The following CLSTN2 variants were observed in gnomAD, a reference collection of about 807,000 sequenced individuals.
The protein encoded by CLSTN2 is calsyntenin 2.
Under a neutral mutation model 101.2 loss-of-function variants are expected in CLSTN2, and 48 were observed. The observed-to-expected ratio is 0.47, with a 90% CI of 0.38 to 0.60. The LOEUF is 0.60. Ranked by LOEUF, CLSTN2 falls within the 20% of genes least tolerant of loss-of-function variation. The probability of loss-of-function intolerance (pLI) is 0.00; values close to 1 mark genes in which losing one functional copy is unlikely to be tolerated. For missense variants in CLSTN2, 1,160 were observed against 1,238.2 expected, an observed-to-expected ratio of 0.94 and a Z score of 0.95; for synonymous variants, 481 against 463.6, an observed-to-expected ratio of 1.04 and a Z score of -0.48.
chr3:140,115,021 T>C lies in CLSTN2; in HGVS notation c.110-60930T>C, dbSNP rs772141142. ...ACCTGTGTAGTATCTTCTCCTGCAT[T>C]ATTACAAGGCCTTTTGCCCAACCAA... On this transcript the variant is annotated intron_variant, in intron 1 of 16. Coordinates refer to ENST00000458420, the MANE Select transcript of CLSTN2 (RefSeq NM_022131.3). Among the ~76,000 whole-genome samples the C allele has an allele frequency of 3.4e-4, 52 of 152,188 alleles. 1 individual carries two copies. Among genetic ancestry groups the C allele is most frequent in the Non-Finnish European group, 6.8e-4 (46 of 68,038 alleles).
At chr3:140,218,328 T>C (rs1211368087) in intron 2 of CLSTN2, among the ~76,000 whole-genome samples, 5 of 152,282 alleles carry the variant, frequency 3.3e-5, no homozygotes, top group Admixed American at 3.3e-4. Flanking sequence ...ACCTATCCCT[T>C]AGTTGCAAAG....
At chr3:140,007,312 A>G (rs2006978080) in intron 1 of CLSTN2, among the ~76,000 whole-genome samples, 1 of 152,230 alleles carries the variant, frequency 6.6e-6, no homozygotes, top group Non-Finnish European at 1.5e-5. Context: ...GCCCAGGCCA[A>G]GGCCTGATTA....
intron 1 of CLSTN2, among the ~76,000 whole-genome samples, chr3:140,093,155 C>T (rs186170555): frequency 6.6e-6 from 1 of 152,270 alleles, no homozygotes; most frequent in East Asian, 1.9e-4. Context: ...TCAACTGCAG[C>T]ACGGCCCAGG....
rs1278239800 is a variant in CLSTN2 at position 140,566,513 on chromosome 3, C to G, written c.*260C>G. On this transcript the variant is annotated 3_prime_UTR_variant, in exon 17 of 17. Transcript: ENST00000458420. ...AGCCTCCACTTCTGCCCTAAGTTCC[C>G]CAGCATCCTGACTACCTGTCTGCAG... The G allele has an allele frequency of 2.0e-6, 1 of 511,476 alleles. No individual in the cohort carries two copies. The highest frequency in any genetic ancestry group is 3.5e-6 in the Non-Finnish European group (1 of 283,966). 31.7% of individuals were successfully genotyped at this position (511,476 alleles called of 1,614,324 possible).
chr3:140,144,603 G>T (rs1453734941), intron 1 of CLSTN2, among the ~76,000 whole-genome samples: 1 of 151,886 alleles, frequency 6.6e-6, no homozygotes, highest in Non-Finnish European at 1.5e-5. Context: ...GCATCAGAGC[G>T]AGACTTCATC....
chr3:139,976,679 C>G (rs1456373396), intron 1 of CLSTN2, among the ~76,000 whole-genome samples: 2 of 152,188 alleles, frequency 1.3e-5, no homozygotes, highest in African/African-American at 2.4e-5. Context: ...GCCCACTGTC[C>G]TGGCTCAGCA....
chr3:139,956,844 C>T (rs1935415006), intron 1 of CLSTN2, among the ~76,000 whole-genome samples: 1 of 152,102 alleles, frequency 6.6e-6, no homozygotes, highest in South Asian at 2.1e-4. Context: ...TTTTGCCTCA[C>T]CCTCACAAAC....
At chr3:140,359,742 G>A (rs6789020) in intron 2 of CLSTN2, among the ~76,000 whole-genome samples, 57,746 of 151,790 alleles carry the variant, frequency 0.38, 12,352 homozygotes, top group Non-Finnish European at 0.49. Flanking sequence ...TAATATCTAC[G>A]TTGCTGAATT....
chr3:139,939,552 G>C (rs551835800), intron 1 of CLSTN2, among the ~76,000 whole-genome samples: 2 of 152,328 alleles, frequency 1.3e-5, no homozygotes, highest in Admixed American at 1.3e-4. Flanking sequence ...AGCACAGTAT[G>C]AGTGTCTAAG....
chr3:139,991,047 T>C (rs1936106028), intron 1 of CLSTN2, among the ~76,000 whole-genome samples: 1 of 152,214 alleles, frequency 6.6e-6, no homozygotes, highest in African/African-American at 2.4e-5. Context: ...AGGTGGCACA[T>C]AGCTATAGCA....
intron 2 of CLSTN2, among the ~76,000 whole-genome samples, chr3:140,255,029 G>A (rs2086593913): frequency 6.6e-6 from 1 of 152,088 alleles, no homozygotes. Context: ...ACATACATGT[G>A]GCTGATAAGC....
intron 1 of CLSTN2, among the ~76,000 whole-genome samples, chr3:140,078,819 T>C (rs2008538482): frequency 6.6e-6 from 1 of 152,196 alleles, no homozygotes; most frequent in Non-Finnish European, 1.5e-5. Context: ...TTTAAGTTTA[T>C]GAGTTAGTGA....
At chr3:140,256,342 C>T (rs980854090) in intron 2 of CLSTN2, among the ~76,000 whole-genome samples, 1 of 152,150 alleles carries the variant, frequency 6.6e-6, no homozygotes, top group Non-Finnish European at 1.5e-5. Flanking sequence ...TTTTTTCATT[C>T]ATGATCAAAC....
intron 2 of CLSTN2, among the ~76,000 whole-genome samples, chr3:140,308,015 C>T (rs1393760225): frequency 6.6e-6 from 1 of 152,190 alleles, no homozygotes; most frequent in East Asian, 1.9e-4. Context: ...AAAGTTGGCT[C>T]ATGAATGTGA....
chr3:139,947,977 C>T (rs1017092408), intron 1 of CLSTN2, among the ~76,000 whole-genome samples: 4 of 152,126 alleles, frequency 2.6e-5, no homozygotes, highest in Non-Finnish European at 4.4e-5. Flanking sequence ...AAAACCATAG[C>T]TTTTCCTTCA....
At chr3:140,227,006 C>A (rs1185431364) in intron 2 of CLSTN2, among the ~76,000 whole-genome samples, 1 of 152,144 alleles carries the variant, frequency 6.6e-6, no homozygotes, top group Non-Finnish European at 1.5e-5. Flanking sequence ...GGGACACAAC[C>A]AAACCATATT....
chr3:140,278,258 G>A (rs925736343), intron 2 of CLSTN2, among the ~76,000 whole-genome samples: 8 of 152,126 alleles, frequency 5.3e-5, no homozygotes, highest in African/African-American at 1.9e-4. Context: ...TGGTCCTCAG[G>A]GTGTTATTCT....
intron 8 of CLSTN2, among the ~76,000 whole-genome samples, chr3:140,503,155 C>T (rs555516560): frequency 6.6e-5 from 10 of 152,154 alleles, no homozygotes; most frequent in Admixed American, 2.6e-4. Flanking sequence ...CTTTGTGTAG[C>T]ATTGGACCCA....
At chr3:140,080,845 C>T (rs931348368) in intron 1 of CLSTN2, among the ~76,000 whole-genome samples, 4 of 152,178 alleles carry the variant, frequency 2.6e-5, no homozygotes, top group Admixed American at 1.3e-4. Context: ...GGGGTGAGTG[C>T]GTGGTGTGTT....
Sources: allele counts gnomAD v4.1 joint callset (sites outside exome capture counted in the v4.1 genomes callset), GRCh38; gene constraint gnomAD v4.1.1; transcripts MANE v1.5; gene names NCBI Gene and HGNC (gene_info 2026-07-23, HGNC 2026-07-21).